Variants in CEMIP2 observed in about 807,000 individuals in gnomAD.
The protein encoded by CEMIP2 is cell migration inducing hyaluronidase 2, also known as cell surface hyaluronidase CEMIP2.
A neutral mutation model predicts 146.9 loss-of-function variants in CEMIP2; 79 were observed. The ratio of observed to expected loss-of-function variants is 0.54; its 90% CI spans 0.45 to 0.65. The LOEUF (loss-of-function observed/expected upper bound fraction) is 0.65, where lower values mean the gene tolerates loss of function less well. CEMIP2 is among the 30% of genes least tolerant of loss of function. The pLI is 0.00. For synonymous variants in CEMIP2, 601 were observed against 606.3 expected, an observed-to-expected ratio of 0.99 and a Z score of 0.13; for missense variants, 1,596 against 1,696.2, an observed-to-expected ratio of 0.94 and a Z score of 1.04.
intron 21 of CEMIP2, among the ~76,000 whole-genome samples, chr9:71,690,527 C>T (rs954547174): frequency 4.6e-5 from 7 of 152,198 alleles, no homozygotes; most frequent in African/African-American, 1.7e-4. Flanking sequence ...TGGGTGACTT[C>T]ACTCTGAAGT....
At chr9:71,713,347 G>A (rs1295982685) in intron 15 of CEMIP2, among the ~76,000 whole-genome samples, 1 of 152,142 alleles carries the variant, frequency 6.6e-6, no homozygotes, top group African/African-American at 2.4e-5. Context: ...ATCCAGGTAA[G>A]ATGTGACTTG....
At chr9:71,708,797 C>T (rs1302805273) in intron 17 of CEMIP2, among the ~76,000 whole-genome samples, 2 of 152,164 alleles carry the variant, frequency 1.3e-5, no homozygotes, top group Non-Finnish European at 2.9e-5. Context: ...CCAGCTCTGT[C>T]CCCGGGAACA....
At chr9:71,734,752 C>A in intron 6 of CEMIP2, 54 bp downstream of exon 6, 4 of 1,488,244 alleles carry the variant, frequency 2.7e-6, no homozygotes, top group South Asian at 1.4e-5. Context: ...TTTCAGGAAT[C>A]AAATCCCAAG....
At chr9:71,744,364 G>A (rs1026631419) in intron 4 of CEMIP2, among the ~76,000 whole-genome samples, 1 of 152,090 alleles carries the variant, frequency 6.6e-6, no homozygotes, top group East Asian at 1.9e-4. Flanking sequence ...AACGGGGCAA[G>A]ACCCTGTCAC....
chr9:71,714,790 G>T, intron 15 of CEMIP2, 144 bp downstream of exon 15: 3 of 727,360 alleles, frequency 4.1e-6, no homozygotes, highest in Non-Finnish European at 6.4e-6. Flanking sequence ...AGCAGCTGTA[G>T]CAGTAGTAGT....
At chr9:71,711,393 A>G (rs1339469795) in intron 16 of CEMIP2, among the ~76,000 whole-genome samples, 1 of 116,116 alleles carries the variant, frequency 8.6e-6, no homozygotes, top group African/African-American at 2.9e-5. Flanking sequence ...CCCTTTCTCT[A>G]TTAAAAAAAA....
At chr9:71,696,961 A>G (rs1318851431) in intron 20 of CEMIP2, among the ~76,000 whole-genome samples, 1 of 152,222 alleles carries the variant, frequency 6.6e-6, no homozygotes, top group African/African-American at 2.4e-5. Context: ...AATAGGAAGA[A>G]ATGAAAAGAA....
intron 4 of CEMIP2, among the ~76,000 whole-genome samples, chr9:71,742,247 G>T (rs62549281): frequency 0.071 from 10,754 of 152,220 alleles, 537 homozygotes; most frequent in South Asian, 0.19. Context: ...TTTGTAGCTT[G>T]TTTTATACCA....
At chr9:71,715,395 C>T (rs957302054) in intron 14 of CEMIP2, among the ~76,000 whole-genome samples, 9 of 151,204 alleles carry the variant, frequency 6.0e-5, no homozygotes. Flanking sequence ...ACATGCGTGC[C>T]ACCATGCCCA....
chr9:71,713,036 T>C (rs1269057345), intron 15 of CEMIP2, among the ~76,000 whole-genome samples: 1 of 152,230 alleles, frequency 6.6e-6, no homozygotes, highest in Non-Finnish European at 1.5e-5. Flanking sequence ...ATAGCCTAGT[T>C]TGAAAACCTT....
chr9:71,719,873 G>GGCA (rs1823184321), intron 12 of CEMIP2, among the ~76,000 whole-genome samples: 1 of 125,534 alleles, frequency 8.0e-6, no homozygotes, highest in African/African-American at 2.9e-5. Context: ...AGTACTATAA[G>GGCA]GCAGCATCTG....
rs1823967747 is a variant in CEMIP2 at position 71,743,044 on chromosome 9, C to T, written c.1034+1974G>A. Among the ~76,000 whole-genome samples, 3 of 152,084 alleles carry T rather than the reference C, an allele frequency of 2.0e-5. No individual in the cohort carries two copies. The South Asian group carries it at 6.2e-4, about 32-fold the overall frequency. On this transcript the variant is annotated intron_variant, in intron 4 of 23. Coordinates refer to ENST00000377044, the MANE Select transcript of CEMIP2 (RefSeq NM_013390.3). Reference sequence around the variant, plus strand: ...GACCAGCCTGGTCAATAGAGTGAGACCCCCATCTCTATTTAAAATTAAAAA... The same window carrying T: ...GACCAGCCTGGTCAATAGAGTGAGATCCCCATCTCTATTTAAAATTAAAAA...
At chr9:71,730,004 C>G (rs2297090) in intron 9 of CEMIP2, 44 bp downstream of exon 9, 138,324 of 1,613,262 alleles carry the variant, frequency 0.086, 7,059 homozygotes, top group South Asian at 0.19. Context: ...CCCCAAAAGT[C>G]AAAGGCCCTG....
chr9:71,720,879 A>G (rs983486144), intron 12 of CEMIP2, among the ~76,000 whole-genome samples: 2 of 152,218 alleles, frequency 1.3e-5, no homozygotes, highest in East Asian at 1.9e-4. Context: ...TAAACTAGTA[A>G]GAGAAATAAA....
intron 22 of CEMIP2, among the ~76,000 whole-genome samples, chr9:71,688,345 T>G (rs993046530): frequency 1.3e-5 from 2 of 152,116 alleles, no homozygotes; most frequent in African/African-American, 4.8e-5. Flanking sequence ...TAAGATTAAG[T>G]ACCTTAAGTT....
intron 23 of CEMIP2, among the ~76,000 whole-genome samples, 157 bp from the exon 24 acceptor site, chr9:71,685,550 C>T (rs1225582733): frequency 2.6e-5 from 4 of 152,114 alleles, no homozygotes; most frequent in African/African-American, 4.8e-5. Context: ...TCTCACCACC[C>T]ACCTTTTGCC....
rs1210895414 is a variant in CEMIP2 at position 71,685,777 on chromosome 9, C to T, written c.3921G>A (p.Leu1307=). The change falls in exon 23 of 24, where the codon CTG becomes CTA. Residue 1307 remains leucine (L), a synonymous_variant. Transcript: ENST00000377044. ...AAAGATGAGCTGGTTTGGCTAATCC[C>T]AGAGGTACTAGTAAGTGTGAAATGT... ...QLNISHLLVP[L]GLAKPAHLYD... 1 of 1,614,022 alleles carries T rather than the reference C, an allele frequency of 6.2e-7. No individual in the cohort carries two copies. Among genetic ancestry groups the T allele is most frequent in the Admixed American group, 1.7e-5 (1 of 60,004 alleles).
chr9:71,728,231 C>CTATATATATATA (rs767770130), intron 10 of CEMIP2, among the ~76,000 whole-genome samples: 1 of 14,778 alleles, frequency 6.8e-5, no homozygotes, highest in African/African-American at 2.3e-4. Context: ...CTCTCTCTCT[C>CTATATATATATA]TATATATATA....
In CEMIP2 at chr9:71,730,265, A is replaced by G. The variant is rs1186725393; in HGVS notation, c.1774-12T>C. ...ATGGTGTCTTTTATCTGCAGAAATAAAAGTATATTAATGTCATTGGTAACA... is the reference window on the plus strand; with the variant it reads ...ATGGTGTCTTTTATCTGCAGAAATAGAAGTATATTAATGTCATTGGTAACA... On this transcript the variant is annotated splice_polypyrimidine_tract_variant and intron_variant, in intron 8 of 23. Transcript: ENST00000377044. 3.6e-5 allele frequency: 58 copies of G among 1,609,822 alleles called. No individual in the cohort carries two copies. Among genetic ancestry groups the G allele is most frequent in the Non-Finnish European group, 4.8e-5 (56 of 1,176,648 alleles).
Sources: allele counts gnomAD v4.1 joint callset (sites outside exome capture counted in the v4.1 genomes callset), GRCh38; gene constraint gnomAD v4.1.1; transcripts MANE v1.5; gene names NCBI Gene and HGNC (gene_info 2026-07-23, HGNC 2026-07-21).